The following POLR1C variants were observed in gnomAD, a reference collection of about 807,000 sequenced individuals.
POLR1C encodes DNA-directed RNA polymerases I and III subunit RPAC1.
POLR1C carries 42 observed loss-of-function variants against 38.3 expected under a neutral mutation model. The ratio of observed to expected loss-of-function variants is 1.10; its 90% CI spans 0.86 to 1.42. POLR1C has a LOEUF of 1.42. Ranked by LOEUF, POLR1C falls within the 40% of genes most tolerant of loss-of-function variation. The pLI is 0.00. For synonymous variants in POLR1C, 163 were observed against 163.9 expected (o/e 0.99, Z 0.04); for missense variants, 507 against 450.5 (o/e 1.13, Z -1.14).
At position 43,517,310 on chromosome 6, in the gene POLR1C, A is replaced by T; in HGVS notation, c.74A>T (p.His25Leu). The T allele has an allele frequency of 6.2e-7, 1 of 1,614,136 alleles. No homozygotes were observed. Among genetic ancestry groups the T allele is most frequent in the Non-Finnish European group, 8.5e-7 (1 of 1,179,984 alleles). ...AAATTCGTCCCTTTGCTCTAGGTCC[A>T]TACTACTGACTTTCCCGGTAACTAT... ...VLGEFGVRNV[H>L]TTDFPGNYSG... Residue 25 changes from histidine (H) to leucine (L), a missense_variant, in exon 2 of 9, where the codon CAT becomes CTT. Transcript: ENST00000642195.
rs557081210 is a variant in POLR1C at position 43,556,386 on chromosome 6, G to A, written c.*49-5014G>A. 3.3e-5 allele frequency among the ~76,000 whole-genome samples: 5 copies of A among 152,148 alleles called. No individual in the cohort carries two copies. In the South Asian group the frequency reaches 6.2e-4, roughly 19 times the overall value. On this transcript the variant is annotated intron_variant, in intron 10 of 10. Coordinates refer to the POLR1C transcript ENST00000607635. ...CAAAAAATACAAAAAGTAGCCAGGTGTGGTGGCATGCTCCTATAGTCCCAG... is the reference window on the plus strand; with the variant it reads ...CAAAAAATACAAAAAGTAGCCAGGTATGGTGGCATGCTCCTATAGTCCCAG...
downstream of POLR1C, chr6:43,525,703 G>A: frequency 1.1e-6 from 1 of 910,600 alleles, no homozygotes; most frequent in Non-Finnish European, 1.6e-6. Flanking sequence ...GTTTTTTCTG[G>A]GGCCTTTGGA....
downstream of POLR1C, among the ~76,000 whole-genome samples, chr6:43,531,291 T>C (rs766188120): frequency 6.6e-6 from 1 of 152,220 alleles, no homozygotes; most frequent in Non-Finnish European, 1.5e-5. Context: ...GAGGCTCATA[T>C]GACAATTACA....
exon 11 of POLR1C, chr6:43,562,280 C>A: frequency 6.2e-7 from 1 of 1,609,110 alleles, no homozygotes; most frequent in African/African-American, 1.3e-5. Flanking sequence ...CCAGCGCACA[C>A]AACACCTGAC....
At chr6:43,525,350 C>T, downstream of POLR1C, 1 of 817,856 alleles carries the variant, frequency 1.2e-6, no homozygotes, top group Non-Finnish European at 1.9e-6. Context: ...GTTGCCCAGG[C>T]TGGTCCTGAA....
intron 10 of POLR1C, among the ~76,000 whole-genome samples, chr6:43,554,279 T>TA (rs1761899531): frequency 6.6e-6 from 1 of 151,450 alleles, no homozygotes; most frequent in Admixed American, 6.6e-5. Context: ...CTAATTTTTG[T>TA]ATTTTTTTTT....
intron 8 of POLR1C, chr6:43,528,710 C>T (rs1223105056): frequency 2.0e-6 from 2 of 977,082 alleles, no homozygotes; most frequent in African/African-American, 1.6e-5. Context: ...AAGCTCTGCC[C>T]AGCCAGTCTG....
At chr6:43,524,816 G>A, downstream of POLR1C, 1 of 1,612,510 alleles carries the variant, frequency 6.2e-7, no homozygotes, top group Non-Finnish European at 8.5e-7. Context: ...CTTCCCCCAT[G>A]CCTTCCCCAC....
chr6:43,520,971 C>G lies in POLR1C; in HGVS notation c.845C>G (p.Thr282Ser), dbSNP rs371479150. The change falls in exon 8 of 9, where the codon ACC (threonine) becomes AGC (serine). Residue 282 changes from threonine (T) to serine (S), a missense_variant. Coordinates refer to ENST00000642195, the MANE Select transcript of POLR1C (RefSeq NM_203290.4). ...AGAGTTGCCAACCCCCGGCTGGATACCTTCAGCAGAGAAATCTTCCGGAAT... is the reference window on the plus strand; with the variant it reads ...AGAGTTGCCAACCCCCGGCTGGATAGCTTCAGCAGAGAAATCTTCCGGAAT... ...VARVANPRLDTFSREIFRNEK... is the reference protein window; with the variant it reads ...VARVANPRLDSFSREIFRNEK... 1.8e-4 allele frequency: 295 copies of G among 1,614,118 alleles called. No homozygotes were observed. Among genetic ancestry groups the G allele is most frequent in the Non-Finnish European group, 2.1e-4 (245 of 1,180,008 alleles).
chr6:43,540,920 TA>T (rs112382275), intron 9 of POLR1C, among the ~76,000 whole-genome samples: 4,988 of 144,124 alleles, frequency 0.035, 260 homozygotes, highest in African/African-American at 0.12. Context: ...TATTCAGCCA[TA>T]AAAAAAAAAA....
intron 10 of POLR1C, among the ~76,000 whole-genome samples, chr6:43,552,219 G>A (rs1027732952): frequency 6.6e-6 from 1 of 151,594 alleles, no homozygotes; most frequent in South Asian, 2.1e-4. Context: ...GACCATGCCC[G>A]GCTAATTTTT....
Position 43,520,121 on chromosome 6 carries a change from C to A in POLR1C, c.438C>A (p.Cys146Ter). 1 of 1,614,214 alleles carries A rather than the reference C, an allele frequency of 6.2e-7. No homozygotes were observed. Among genetic ancestry groups the A allele is most frequent in the Middle Eastern group, 1.6e-4 (1 of 6,062 alleles). Residue 146 changes from cysteine (C) to a stop codon, truncating the protein, a stop_gained, in exon 5 of 9, where the codon TGC (cysteine) becomes TGA (stop). Coordinates refer to ENST00000642195, the MANE Select transcript of POLR1C (RefSeq NM_203290.4). LOFTEE classifies it high-confidence loss of function. ...TACAGTTTCGTCTCCAGGTCAGATG[C>A]ACTCGGAACCCCCATGCTGCTAAAG... ...DTLQFRLQVR[C>*]TRNPHAAKDS...
At position 43,517,389 on chromosome 6, in the gene POLR1C, C is replaced by T. The variant is rs374229465; in HGVS notation, c.141+12C>T. On this transcript the variant is annotated intron_variant, in intron 2 of 8. Coordinates refer to ENST00000642195, the MANE Select transcript of POLR1C (RefSeq NM_203290.4). ...ACCGCTTCGAGAAGGTAAGTGGGGC[C>T]GGAGTTGTCTGGGGAGGGTTATGAA... is the stretch of plus-strand genomic sequence containing the variant. The T allele has an allele frequency of 3.7e-6, 6 of 1,612,308 alleles. No individual in the cohort carries two copies. The African/African-American group carries it at 5.3e-5, about 14-fold the overall frequency.
In POLR1C at chr6:43,521,200, G is replaced by C. The variant is rs769006912; in HGVS notation, c.941G>C (p.Gly314Ala). The C allele has an allele frequency of 6.2e-7, 1 of 1,614,110 alleles. No individual in the cohort carries two copies. The highest frequency in any genetic ancestry group is 8.5e-7 in the Non-Finnish European group (1 of 1,180,012). Residue 314 changes from glycine (G) to alanine (A), a missense_variant, in exon 9 of 9, where the codon GGG (glycine) becomes GCG (alanine). Gly to Ala is a moderately conservative substitution (Grantham distance 60, BLOSUM62 0). Transcript: ENST00000642195. The part of the protein sequence containing the change: ...DHYIFSVEST[G>A]VLPPDVLVSE... ...TCCCCAGTCTCTGTTGAGTCAACGG[G>C]GGTGTTGCCACCAGATGTGCTGGTG...
chr6:43,524,120 G>A, downstream of POLR1C: 1 of 1,441,778 alleles, frequency 6.9e-7, no homozygotes, highest in African/African-American at 1.4e-5. Context: ...GGGAGGCCAA[G>A]GCGGGTGGAT....
At chr6:43,562,354 A>G (rs1762460613) in exon 11 of POLR1C, 1 of 1,593,850 alleles carries the variant, frequency 6.3e-7, no homozygotes, top group East Asian at 2.2e-5. Flanking sequence ...GTCCTGTAAG[A>G]TGAGAATTCC....
intron 9 of POLR1C, among the ~76,000 whole-genome samples, chr6:43,544,510 T>G (rs1034338524): frequency 6.6e-6 from 1 of 152,246 alleles, no homozygotes; most frequent in Non-Finnish European, 1.5e-5. Flanking sequence ...TTTCCACGTC[T>G]GGGTTGGCCA....
chr6:43,531,495 T>C (rs1582201615), downstream of POLR1C: 2 of 1,613,736 alleles, frequency 1.2e-6, no homozygotes, highest in African/African-American at 2.7e-5. Context: ...TCATAGAGGG[T>C]AGAGAAGAAA....
At chr6:43,537,599 T>C (rs1794417768) in intron 9 of POLR1C, among the ~76,000 whole-genome samples, 1 of 152,198 alleles carries the variant, frequency 6.6e-6, no homozygotes, top group Non-Finnish European at 1.5e-5. Context: ...GACTTACATT[T>C]GGTCCTCAGG....
Sources: gnomAD v4.1 joint callset for allele counts (sites outside exome capture counted in the v4.1 genomes callset) on GRCh38, gnomAD v4.1.1 for gene constraint, MANE v1.5 for transcripts, NCBI Gene and HGNC (gene_info 2026-07-23, HGNC 2026-07-21) for gene names.